Variants in RBFOX3 observed in about 807,000 individuals in gnomAD.
RBFOX3 encodes the protein RNA binding protein fox-1 homolog 3.
RBFOX3 carries 17 observed loss-of-function variants against 48.7 expected under a neutral mutation model. That is an observed-to-expected ratio of 0.35 (90% CI 0.24 to 0.52). RBFOX3 has a LOEUF of 0.52. Among genes scored for constraint, RBFOX3 ranks in the 20% least tolerant of loss-of-function variants. The pLI, the probability that RBFOX3 is intolerant of heterozygous loss-of-function variation, is 0.94. For missense variants in RBFOX3, 382 were observed against 497.5 expected (o/e 0.77, Z 2.21); for synonymous variants, 212 against 209.5 (o/e 1.01, Z -0.10).
Position 79,392,378 on chromosome 17 carries a change from T to C in RBFOX3, c.-174-84554A>G, listed in dbSNP as rs1598492374. On this transcript the variant is annotated intron_variant, in intron 2 of 14. Coordinates refer to ENST00000693108, the MANE Select transcript of RBFOX3 (RefSeq NM_001350451.2). The surrounding 1 kb of genome is among the most constrained non-coding windows in gnomAD (Gnocchi z 5.0). ...GATTTCACCGTCTTTCATTGTGGAG[T>C]TGTGAAGATTCATAAGCTAACTCTC... is the stretch of plus-strand genomic sequence containing the variant. 6.6e-6 allele frequency among the ~76,000 whole-genome samples: 1 copy of C among 152,024 alleles called. No homozygotes were observed. Among genetic ancestry groups the C allele is most frequent in the African/African-American group, 2.4e-5 (1 of 41,356 alleles).
intron 4 of RBFOX3, among the ~76,000 whole-genome samples, chr17:79,213,331 C>T (rs1022008703): frequency 6.6e-6 from 1 of 152,236 alleles, no homozygotes; most frequent in African/African-American, 2.4e-5. Context: ...GGGGGGGCAC[C>T]TGGATCCACA....
At chr17:79,536,929 C>A (rs1309969815) in intron 1 of RBFOX3, among the ~76,000 whole-genome samples, 4 of 151,968 alleles carry the variant, frequency 2.6e-5, no homozygotes, top group African/African-American at 9.6e-5. Flanking sequence ...ACTAAAAATA[C>A]AAAAAATTAG....
At chr17:79,663,630 A>C in the RBFOX3 span, among the ~76,000 whole-genome samples, 1 of 152,222 alleles carries the variant, frequency 6.6e-6, no homozygotes, top group Admixed American at 6.5e-5. Flanking sequence ...TTTCATCTGC[A>C]GACAGAATAC....
chr17:79,097,667 A>ACCCCCCCCC, intron 10 of RBFOX3, 25 bp downstream of exon 10: 3 of 1,031,792 alleles, frequency 2.9e-6, no homozygotes, highest in African/African-American at 4.8e-5. Flanking sequence ...GTCTCATCCC[A>ACCCCCCCCC]TCCCCGCCCC....
At chr17:79,527,014 C>T (rs2086887107) in intron 1 of RBFOX3, among the ~76,000 whole-genome samples, 1 of 152,194 alleles carries the variant, frequency 6.6e-6, no homozygotes, top group Admixed American at 6.5e-5. Context: ...GTGGCCAATC[C>T]CCCAGGTCAG....
rs111482903 is a variant in RBFOX3, at chr17:79,322,573, G to A, written c.-174-14749C>T. 1.6e-3 allele frequency among the ~76,000 whole-genome samples: 245 copies of A among 152,312 alleles called. 2 individuals carry two copies. The highest frequency in any genetic ancestry group is 5.7e-3 in the African/African-American group (237 of 41,572). ...ACAGGGAAGATGGAACATGTGTCAC[G>A]CAGCATCCAAAGGCAATGGTGGCCA... On this transcript the variant is annotated intron_variant, in intron 2 of 14. Coordinates refer to ENST00000693108, the MANE Select transcript of RBFOX3 (RefSeq NM_001350451.2).
At chr17:79,325,443 C>T (rs938078643) in intron 2 of RBFOX3, among the ~76,000 whole-genome samples, 3 of 152,138 alleles carry the variant, frequency 2.0e-5, no homozygotes, top group Non-Finnish European at 4.4e-5. Context: ...TCTACTTATC[C>T]CTAAATGTCA....
intron 4 of RBFOX3, among the ~76,000 whole-genome samples, chr17:79,160,845 TGACGCAC>T (rs2046826225): frequency 6.6e-6 from 1 of 152,010 alleles, no homozygotes; most frequent in African/African-American, 2.4e-5. Flanking sequence ...CCAGGCATGG[TGACGCAC>T]ACCTGTAATC....
At chr17:79,298,895 C>G (rs1204249911) in intron 3 of RBFOX3, among the ~76,000 whole-genome samples, 2 of 152,190 alleles carry the variant, frequency 1.3e-5, no homozygotes, top group Admixed American at 1.3e-4. Flanking sequence ...TGATGTTGAC[C>G]TTGCTGGCAG....
At chr17:79,122,632 C>A (rs750528780) in intron 4 of RBFOX3, among the ~76,000 whole-genome samples, 40 of 152,194 alleles carry the variant, frequency 2.6e-4, no homozygotes, top group Non-Finnish European at 5.1e-4. Flanking sequence ...ACAACCACTA[C>A]GGAGAACAGT....
chr17:79,292,463 C>G (rs9907430), intron 3 of RBFOX3, among the ~76,000 whole-genome samples: 58,317 of 151,764 alleles, frequency 0.38, 11,557 homozygotes, highest in Middle Eastern at 0.48. Flanking sequence ...CTAGCATGTC[C>G]CCGGCACATG....
intron 4 of RBFOX3, among the ~76,000 whole-genome samples, chr17:79,165,122 G>A (rs1158364757): frequency 6.6e-6 from 1 of 152,134 alleles, no homozygotes; most frequent in African/African-American, 2.4e-5. Context: ...CGGGAGGGAT[G>A]AGAGGCGGGA....
intron 1 of RBFOX3, among the ~76,000 whole-genome samples, chr17:79,539,617 G>C (rs1441686859): frequency 6.6e-6 from 1 of 152,190 alleles, no homozygotes; most frequent in African/African-American, 2.4e-5. Context: ...GCTAACAGTG[G>C]TTAACAGTTG....
chr17:79,644,223 G>C, the RBFOX3 span, among the ~76,000 whole-genome samples: 1 of 152,092 alleles, frequency 6.6e-6, no homozygotes, highest in Non-Finnish European at 1.5e-5. Flanking sequence ...TTCAGGTCCA[G>C]GTGGTTTTAC....
chr17:79,335,927 C>G (rs2081119764), intron 2 of RBFOX3, among the ~76,000 whole-genome samples: 1 of 152,192 alleles, frequency 6.6e-6, no homozygotes, highest in African/African-American at 2.4e-5. Flanking sequence ...CATCCTTATC[C>G]TATTCAATGG....
chr17:79,286,842 C>T (rs1044017333), intron 3 of RBFOX3, among the ~76,000 whole-genome samples: 2 of 152,216 alleles, frequency 1.3e-5, no homozygotes, highest in Non-Finnish European at 2.9e-5. Context: ...GAGGTGCCTG[C>T]TGAGGACGCC....
At position 79,480,852 on chromosome 17, in the gene RBFOX3, A is replaced by G. The variant is rs1302198890; in HGVS notation, c.-175+1602T>C. 2.0e-5 allele frequency among the ~76,000 whole-genome samples: 3 copies of G among 152,196 alleles called. No homozygotes were observed. Among genetic ancestry groups the G allele is most frequent in the African/African-American group, 7.2e-5 (3 of 41,448 alleles). Reference sequence around the variant, plus strand: ...TCTTCACAGCGTTATGGCGCCTGACATACATTTATTCGCCATGTCCCTGCT... The same window carrying G: ...TCTTCACAGCGTTATGGCGCCTGACGTACATTTATTCGCCATGTCCCTGCT... On this transcript the variant is annotated intron_variant, in intron 2 of 14. Coordinates refer to ENST00000693108, the MANE Select transcript of RBFOX3 (RefSeq NM_001350451.2). This position sits in a 1 kb window ranked among gnomAD's most constrained non-coding sequence, Gnocchi z 4.8.
At chr17:79,150,287 C>A (rs896306581) in intron 4 of RBFOX3, among the ~76,000 whole-genome samples, 4 of 151,976 alleles carry the variant, frequency 2.6e-5, no homozygotes, top group African/African-American at 9.7e-5. Flanking sequence ...GGGGCCCAGG[C>A]CACTCTGCTT....
At chr17:79,215,262 C>A (rs953256410) in intron 4 of RBFOX3, among the ~76,000 whole-genome samples, 1 of 151,970 alleles carries the variant, frequency 6.6e-6, no homozygotes, top group Non-Finnish European at 1.5e-5. Flanking sequence ...AGCCCAGCAA[C>A]GCTGAGGCTG....
Sources: gnomAD v4.1 joint callset for allele counts (sites outside exome capture counted in the v4.1 genomes callset) on GRCh38, gnomAD v4.1.1 for gene constraint, Gnocchi (gnomAD v3.1) non-coding constraint, MANE v1.5 for transcripts, NCBI Gene and HGNC (gene_info 2026-07-23, HGNC 2026-07-21) for gene names.